ZKSCAN1: variants seen among roughly 807,000 people sequenced by gnomAD.
ZKSCAN1 encodes the protein zinc finger protein with KRAB and SCAN domains 1.
Under a neutral mutation model 51.6 loss-of-function variants are expected in ZKSCAN1, and 14 were observed. The observed-to-expected ratio is 0.27, with a 90% confidence interval of 0.18 to 0.42. The LOEUF (loss-of-function observed/expected upper bound fraction) is 0.42, where lower values mean the gene tolerates loss of function less well. Ranked by LOEUF, ZKSCAN1 falls within the 10% of genes least tolerant of loss-of-function variation. ZKSCAN1 has a pLI of 1.00. For synonymous variants in ZKSCAN1, 263 were observed against 261.5 expected (o/e 1.01, Z -0.06); for missense variants, 531 against 710.0 (o/e 0.75, Z 2.86).
At chr7:100,020,914 G>T (rs569381228) in intron 1 of ZKSCAN1, among the ~76,000 whole-genome samples, 1 of 152,122 alleles carries the variant, frequency 6.6e-6, no homozygotes, top group Non-Finnish European at 1.5e-5. Flanking sequence ...CACAGTGTCA[G>T]TTCTGCTTAG....
rs373511743 is a variant in ZKSCAN1 at position 100,033,357 on chromosome 7, G to A, written c.852G>A (p.Ser284=). ...AGTCAACCTCAAAGGCTGAAACCTC[G>A]GAAGATTCAGCATCACGCGGGGAGA... ...NEESTSKAET[S]EDSASRGETT... Residue 284 remains serine, a synonymous_variant, in exon 6 of 6, where the codon TCG becomes TCA. Coordinates refer to ENST00000324306, the MANE Select transcript of ZKSCAN1 (RefSeq NM_003439.4). This position sits in a 1 kb window ranked among gnomAD's most constrained non-coding sequence, Gnocchi z 4.1. 1.8e-5 allele frequency: 29 copies of A among 1,613,768 alleles called. No individual in the cohort carries two copies. Among genetic ancestry groups the A allele is most frequent in the South Asian group, 9.9e-5 (9 of 90,982 alleles).
In ZKSCAN1 at chr7:100,038,444, A is replaced by T. The variant is rs965054273; in HGVS notation, c.*4247A>T. 1.1e-5 allele frequency: 11 copies of T among 985,356 alleles called. No homozygotes were observed. Among genetic ancestry groups the T allele is most frequent in the Non-Finnish European group, 1.3e-5 (11 of 829,944 alleles). 61.0% of individuals were successfully genotyped at this position (985,356 alleles called of 1,614,324 possible). ...TAAATTTCTGAGGAAAGACAGGCTA[A>T]TGGGGCACTGAAATGGAACAACTCC... On this transcript the variant is annotated 3_prime_UTR_variant, in exon 6 of 6. Coordinates refer to ENST00000324306, the MANE Select transcript of ZKSCAN1 (RefSeq NM_003439.4).
rs964277989 is a variant in ZKSCAN1, at chr7:100,023,461, G to T, written c.-46G>T. On this transcript the variant is annotated 5_prime_UTR_variant, in exon 2 of 6. The change creates a new upstream start codon in the 5' untranslated region. Coordinates refer to ENST00000324306, the MANE Select transcript of ZKSCAN1 (RefSeq NM_003439.4). ...ATCATAAAACCTCCCAGGACATAAA[G>T]GTGAGCACAGACCCTGTTTGGATCA... 1.3e-6 allele frequency: 2 copies of T among 1,556,152 alleles called. No homozygotes were observed. Among genetic ancestry groups the T allele is most frequent in the Non-Finnish European group, 1.7e-6 (2 of 1,154,778 alleles).
Position 100,039,482 on chromosome 7 carries a change from C to G in ZKSCAN1, c.*5285C>G. On this transcript the variant is annotated 3_prime_UTR_variant, in exon 6 of 6. Transcript: ENST00000324306. ...TTCCCTTTGGCTGTGTTCCTGTGTTCCCTGCTCCCACTTTTCTTCCCCTGG... is the reference window on the plus strand; with the variant it reads ...TTCCCTTTGGCTGTGTTCCTGTGTTGCCTGCTCCCACTTTTCTTCCCCTGG... The G allele has an allele frequency of 6.1e-6, 6 of 985,356 alleles. No individual in the cohort carries two copies. Among genetic ancestry groups the G allele is most frequent in the Non-Finnish European group, 6.0e-6 (5 of 829,928 alleles). The allele number at this position is 985,356 out of a possible 1,614,324, so 61.0% of individuals were successfully genotyped here. A position where few individuals can be genotyped will look rare whatever the true frequency, so the allele number is the denominator to read the frequency against.
downstream of ZKSCAN1, chr7:100,044,922 G>A (rs925007968): frequency 9.1e-6 from 9 of 985,326 alleles, no homozygotes; most frequent in African/African-American, 1.6e-4. Flanking sequence ...ACCCTCTGCT[G>A]GCCAGCTGAT....
In ZKSCAN1 at chr7:100,037,163, T is replaced by G. The variant is rs934693610; in HGVS notation, c.*2966T>G. The stretch of plus-strand genomic sequence containing the variant: ...GGTCAAAAACGCTTGCAACATCTAA[T>G]TGGCGTTCAAGATAGTCATTCAAAA... On this transcript the variant is annotated 3_prime_UTR_variant, in exon 6 of 6. Coordinates refer to ENST00000324306, the MANE Select transcript of ZKSCAN1 (RefSeq NM_003439.4). The G allele has an allele frequency of 3.0e-6, 3 of 985,356 alleles. No homozygotes were observed. Among genetic ancestry groups the G allele is most frequent in the Non-Finnish European group, 3.6e-6 (3 of 829,946 alleles). 61.0% of individuals were successfully genotyped at this position (985,356 alleles called of 1,614,324 possible). A position where few individuals can be genotyped will look rare whatever the true frequency, so the allele number is the denominator to read the frequency against.
Position 100,036,354 on chromosome 7 carries a change from A to G in ZKSCAN1, c.*2157A>G. The G allele has an allele frequency of 1.0e-6, 1 of 985,456 alleles. No homozygotes were observed. The highest frequency in any genetic ancestry group is 1.2e-6 in the Non-Finnish European group (1 of 829,942). 61.0% of individuals were successfully genotyped at this position (985,456 alleles called of 1,614,324 possible). The stretch of plus-strand genomic sequence containing the variant: ...AGAAAATGTTTTAAGGATTTTCTTC[A>G]AAGAATAAGCCACAGCAATGGTTTT... On this transcript the variant is annotated 3_prime_UTR_variant, in exon 6 of 6. Transcript: ENST00000324306.
chr7:100,039,289 G>T lies in ZKSCAN1; in HGVS notation c.*5092G>T. On this transcript the variant is annotated 3_prime_UTR_variant, in exon 6 of 6. Transcript: ENST00000324306. ...ATTGCACCACTGCACTCCAGCCTGG[G>T]TAACAGAGACTCTGTCTCAAAAAAA... 1 of 979,688 alleles carries T rather than the reference G, an allele frequency of 1.0e-6. No individual in the cohort carries two copies. Among genetic ancestry groups the T allele is most frequent in the Non-Finnish European group, 1.2e-6 (1 of 826,510 alleles). 60.7% of individuals were successfully genotyped at this position (979,688 alleles called of 1,614,324 possible).
At chr7:100,022,088 C>T (rs1790614755) in intron 1 of ZKSCAN1, among the ~76,000 whole-genome samples, 1 of 152,128 alleles carries the variant, frequency 6.6e-6, no homozygotes, top group Non-Finnish European at 1.5e-5. Flanking sequence ...CAGAGTCTCG[C>T]TCTGTGGCCA....
intron 1 of ZKSCAN1, among the ~76,000 whole-genome samples, chr7:100,017,406 A>G (rs1003397656): frequency 4.6e-5 from 7 of 152,176 alleles, no homozygotes; most frequent in Admixed American, 3.9e-4. Flanking sequence ...TATTTTTAGT[A>G]GAGACAGAGT....
Position 100,033,230 on chromosome 7 carries a change from GGGAAACTGTCGCTTGACCCACC to G in ZKSCAN1, c.800-74_800-53del. Reference sequence around the variant, plus strand: ...TTTTGCAGCCGTGTAGAAGCTTCTCGGGAAACTGTCGCTTGACCCACCTGTATATTCAAAAGAAAAAGGTGCG... The same window carrying G: ...TTTTGCAGCCGTGTAGAAGCTTCTCGTGTATATTCAAAAGAAAAAGGTGCG... On this transcript the variant is annotated intron_variant, in intron 5 of 5. Transcript: ENST00000324306. This position sits in a 1 kb window ranked among gnomAD's most constrained non-coding sequence, Gnocchi z 4.1. The G allele has an allele frequency of 6.7e-7, 1 of 1,485,046 alleles. No homozygotes were observed. Among genetic ancestry groups the G allele is most frequent in the Non-Finnish European group, 8.9e-7 (1 of 1,124,016 alleles). 92.0% of individuals were successfully genotyped at this position (1,485,046 alleles called of 1,614,324 possible).
intron 3 of ZKSCAN1, among the ~76,000 whole-genome samples, chr7:100,028,092 C>T (rs901728945): frequency 1.3e-5 from 2 of 152,114 alleles, no homozygotes; most frequent in South Asian, 2.1e-4. Context: ...CAGTGACTCA[C>T]GCCTGTAATC....
Position 100,038,392 on chromosome 7 carries a change from T to G in ZKSCAN1, c.*4195T>G. 1 of 985,444 alleles carries G rather than the reference T, an allele frequency of 1.0e-6. No homozygotes were observed. 61.0% of individuals were successfully genotyped at this position (985,444 alleles called of 1,614,324 possible). On this transcript the variant is annotated 3_prime_UTR_variant, in exon 6 of 6. Coordinates refer to ENST00000324306, the MANE Select transcript of ZKSCAN1 (RefSeq NM_003439.4). ...GAGAGGAAGGGAAAAGCTTCATAGT[T>G]TGGTGCTTATCACATCAAGAGATTG... is the stretch of plus-strand genomic sequence containing the variant.
In ZKSCAN1 at chr7:100,039,724, T is replaced by C. The variant is rs1229920908; in HGVS notation, c.*5527T>C. 1.0e-5 allele frequency: 10 copies of C among 985,288 alleles called. No individual in the cohort carries two copies. Among genetic ancestry groups the C allele is most frequent in the Non-Finnish European group, 2.4e-6 (2 of 829,944 alleles). The allele number at this position is 985,288 out of a possible 1,614,324, so 61.0% of individuals were successfully genotyped here. On this transcript the variant is annotated 3_prime_UTR_variant, in exon 6 of 6. Coordinates refer to ENST00000324306, the MANE Select transcript of ZKSCAN1 (RefSeq NM_003439.4). ...AAATACACTTAAACAGTGACAGCAGTACTTCCCAGGGTGGGGGCCATATTT... is the reference window on the plus strand; with the variant it reads ...AAATACACTTAAACAGTGACAGCAGCACTTCCCAGGGTGGGGGCCATATTT...
Position 100,037,072 on chromosome 7 carries a change from GTT to G in ZKSCAN1, c.*2877_*2878del. On this transcript the variant is annotated 3_prime_UTR_variant, in exon 6 of 6. Transcript: ENST00000324306. Reference sequence around the variant, plus strand: ...TTTCTGAGGAAAACAGGCTACAACTGTTTATTAAAACCACTTGCAGTGCATTC... The same window carrying G: ...TTTCTGAGGAAAACAGGCTACAACTGTATTAAAACCACTTGCAGTGCATTC... 1.0e-6 allele frequency: 1 copy of G among 985,380 alleles called. No individual in the cohort carries two copies. Among genetic ancestry groups the G allele is most frequent in the Non-Finnish European group, 1.2e-6 (1 of 829,928 alleles). The allele number at this position is 985,380 out of a possible 1,614,324, so 61.0% of individuals were successfully genotyped here. A position where few individuals can be genotyped will look rare whatever the true frequency, so the allele number is the denominator to read the frequency against.
chr7:100,043,155 C>T (rs748233920), downstream of ZKSCAN1, among the ~76,000 whole-genome samples: 4 of 151,512 alleles, frequency 2.6e-5, no homozygotes, highest in Non-Finnish European at 5.9e-5. Context: ...TGGTCTTGAA[C>T]TCTTGGGCTC....
intron 1 of ZKSCAN1, 22 bp from the exon 2 acceptor site, chr7:100,023,397 T>C: frequency 7.7e-7 from 1 of 1,294,454 alleles, no homozygotes; most frequent in Non-Finnish European, 1.1e-6. Flanking sequence ...TACGTACTAA[T>C]GACTTTTTTT....
chr7:100,026,230 CAAAAAAAA>C (rs58408632), intron 3 of ZKSCAN1, among the ~76,000 whole-genome samples: 6 of 47,308 alleles, frequency 1.3e-4, no homozygotes, highest in Admixed American at 2.8e-4. Flanking sequence ...AAACTCATCT[CAAAAAAAA>C]AAAAAAAAAA....
At position 100,037,413 on chromosome 7, in the gene ZKSCAN1, A is replaced by C. The variant is rs1791411428; in HGVS notation, c.*3216A>C. ...GATCTATGAGACATCTTGATATGTAAAGCACTTAATATTAAAGGCATAAAA... is the reference window on the plus strand; with the variant it reads ...GATCTATGAGACATCTTGATATGTACAGCACTTAATATTAAAGGCATAAAA... On this transcript the variant is annotated 3_prime_UTR_variant, in exon 6 of 6. Coordinates refer to ENST00000324306, the MANE Select transcript of ZKSCAN1 (RefSeq NM_003439.4). The C allele has an allele frequency of 1.0e-6, 1 of 985,312 alleles. No homozygotes were observed. The highest frequency in any genetic ancestry group is 4.7e-5 in the South Asian group (1 of 21,292). The allele number at this position is 985,312 out of a possible 1,614,324, so 61.0% of individuals were successfully genotyped here. A position where few individuals can be genotyped will look rare whatever the true frequency, so the allele number is the denominator to read the frequency against.
Sources: gnomAD v4.1 joint callset for allele counts (sites outside exome capture counted in the v4.1 genomes callset) on GRCh38, gnomAD v4.1.1 for gene constraint, Gnocchi (gnomAD v3.1) non-coding constraint, MANE v1.5 for transcripts, NCBI Gene and HGNC (gene_info 2026-07-23, HGNC 2026-07-21) for gene names.